Variants in GRIA3 observed in about 807,000 individuals in gnomAD.
GRIA3 encodes the protein glutamate ionotropic receptor AMPA type subunit 3, also known as glutamate receptor 3.
GRIA3 carries 3 observed loss-of-function variants against 63.0 expected under a neutral mutation model. The observed-to-expected ratio is 0.05, with a 90% CI of 0.02 to 0.12. GRIA3 has a LOEUF of 0.12. Ranked by LOEUF, GRIA3 falls within the 10% of genes least tolerant of loss-of-function variation. GRIA3 has a pLI of 1.00. For synonymous variants in GRIA3, 274 were observed against 257.9 expected (o/e 1.06, Z -0.60); for missense variants, 347 against 700.9 (o/e 0.50, Z 5.70).
At chrX:123,482,442 G>C (rs1450676986) in intron 14 of GRIA3, among the ~76,000 whole-genome samples, 1 of 111,670 alleles carries the variant, frequency 9.0e-6, no homozygotes, top group Non-Finnish European at 1.9e-5. Context: ...CTCAACTCTG[G>C]CAAATGGTGT....
rs143808624 is a variant in GRIA3, at chrX:123,417,917, T to C, written c.1877+139T>C. ...CAAATGACAGATTATCATCAAGCCA[T>C]TGTGTTTGCTTATGTCCATGAAGTG... On this transcript the variant is annotated intron_variant, in intron 11 of 15. Coordinates refer to ENST00000620443, the MANE Select transcript of GRIA3 (RefSeq NM_007325.5). 1,145 of 583,759 alleles carry C rather than the reference T, an allele frequency of 2.0e-3. 10 individuals are homozygous for C. In the East Asian group the frequency reaches 0.032, roughly 16 times the overall value. 48.1% of individuals were successfully genotyped at this position (583,759 alleles called of 1,213,427 possible).
chrX:123,427,806 T>C (rs1208797616), intron 11 of GRIA3, 135 bp from the exon 12 acceptor site: 12 of 521,309 alleles, frequency 2.3e-5, no homozygotes, highest in Non-Finnish European at 4.1e-5. Context: ...AATGTTTTAA[T>C]TCCCTCACAT....
intron 7 of GRIA3, among the ~76,000 whole-genome samples, chrX:123,402,631 T>C (rs1360929801): frequency 9.0e-6 from 1 of 111,069 alleles, no homozygotes; most frequent in East Asian, 2.8e-4. Flanking sequence ...GACACAGCCA[T>C]GGCCCCCAAG....
chrX:123,426,701 A>G (rs367910673), intron 11 of GRIA3, among the ~76,000 whole-genome samples: 4 of 112,412 alleles, frequency 3.6e-5, no homozygotes, highest in South Asian at 7.4e-4. Flanking sequence ...CTGCATTTTA[A>G]CAAACACCTC....
At position 123,471,878 on chromosome X, in the gene GRIA3, T is replaced by C. The variant is rs762373237; in HGVS notation, c.2324+6766T>C. On this transcript the variant is annotated intron_variant, in intron 13 of 15. Transcript: ENST00000620443. ...CCTTGGCACATGAGGCTGATCCCCA[T>C]TGATCAGAAGTGGCAAAAGTGTTGT... is the stretch of plus-strand genomic sequence containing the variant. Among the ~76,000 whole-genome samples, 11 of 103,237 alleles carry C rather than the reference T, an allele frequency of 1.1e-4. No individual in the cohort carries two copies. In the East Asian group the frequency reaches 1.8e-3, roughly 17 times the overall value. 89.6% of individuals were successfully genotyped at this position (103,237 alleles called of 115,157 possible). A position where few individuals can be genotyped will look rare whatever the true frequency, so the allele number is the denominator to read the frequency against.
At chrX:123,204,731 T>C in intron 2 of GRIA3, 2 of 738,742 alleles carry the variant, frequency 2.7e-6, no homozygotes, top group Non-Finnish European at 3.6e-6. Flanking sequence ...GAGGGGAAAA[T>C]GGAAATAGAT....
At chrX:123,193,586 G>A (rs5911542) in intron 2 of GRIA3, among the ~76,000 whole-genome samples, 25,401 of 111,003 alleles carry the variant, frequency 0.23, 2,560 homozygotes, top group Non-Finnish European at 0.32. Context: ...GACCTGAGCC[G>A]AGAACTGCTC....
chrX:123,480,445 G>A (rs1050529790), intron 14 of GRIA3, among the ~76,000 whole-genome samples: 1 of 111,757 alleles, frequency 8.9e-6, no homozygotes, highest in Non-Finnish European at 1.9e-5. Context: ...AATGAGCTGT[G>A]TTATAAGGGG....
chrX:123,289,469 G>A (rs1313041920), intron 3 of GRIA3, among the ~76,000 whole-genome samples: 3 of 107,906 alleles, frequency 2.8e-5, no homozygotes, highest in Non-Finnish European at 5.8e-5. Context: ...AATAAATAAC[G>A]GAAATTGCAG....
At chrX:123,320,317 T>C (rs971184711) in intron 3 of GRIA3, among the ~76,000 whole-genome samples, 2 of 112,101 alleles carry the variant, frequency 1.8e-5, no homozygotes, top group African/African-American at 6.5e-5. Context: ...TCAAAAACAA[T>C]GTTAACATTC....
chrX:123,270,034 A>G (rs189514289), intron 3 of GRIA3, among the ~76,000 whole-genome samples: 1 of 112,766 alleles, frequency 8.9e-6, no homozygotes, highest in East Asian at 2.8e-4. Flanking sequence ...AGCAAAAAGC[A>G]TACGTATTTT....
Position 123,184,359 on chromosome X carries a change from G to T in GRIA3, c.-177G>T. The T allele has an allele frequency of 2.1e-6, 1 of 484,712 alleles. No individual in the cohort carries two copies. The highest frequency in any genetic ancestry group is 3.7e-6 in the Non-Finnish European group (1 of 271,400). 39.9% of individuals were successfully genotyped at this position (484,712 alleles called of 1,213,427 possible). A position where few individuals can be genotyped will look rare whatever the true frequency, so the allele number is the denominator to read the frequency against. On this transcript the variant is annotated 5_prime_UTR_variant, in exon 1 of 16. In the 5' UTR this introduces an upstream ATG that the reference lacks. Coordinates refer to ENST00000620443, the MANE Select transcript of GRIA3 (RefSeq NM_007325.5). ...GGGAGAGAGAAGAAGAGGAAGAAGA[G>T]GAGGCGGCGGCAGCGGAGGAGGAGG...
At chrX:123,312,192 CACAAT>C (rs1179243504) in intron 3 of GRIA3, among the ~76,000 whole-genome samples, 1 of 111,696 alleles carries the variant, frequency 9.0e-6, no homozygotes, top group Non-Finnish European at 1.9e-5. Context: ...CATTATACAT[CACAAT>C]ACAAGAAAAC....
intron 3 of GRIA3, among the ~76,000 whole-genome samples, chrX:123,280,569 T>G (rs1338977006): frequency 8.9e-6 from 1 of 112,364 alleles, no homozygotes; most frequent in Non-Finnish European, 1.9e-5. Flanking sequence ...TAGTTTGGTC[T>G]ACTTTTGGCA....
Position 123,226,836 on chromosome X carries a change from T to C in GRIA3, c.269-26467T>C, listed in dbSNP as rs1403217557. On this transcript the variant is annotated intron_variant, in intron 2 of 15. Coordinates refer to ENST00000620443, the MANE Select transcript of GRIA3 (RefSeq NM_007325.5). ...TATGCAGTTCATCATTGATTATCCA[T>C]GAGAACAGAAAGGAGCTGAAGCTTT... Among the ~76,000 whole-genome samples, 3 of 111,861 alleles carry C rather than the reference T, an allele frequency of 2.7e-5. No homozygotes were observed. In the Admixed American group the frequency reaches 2.8e-4, roughly 11 times the overall value.
intron 3 of GRIA3, among the ~76,000 whole-genome samples, chrX:123,260,197 T>C (rs2044443373): frequency 9.5e-6 from 1 of 105,607 alleles, no homozygotes; most frequent in Non-Finnish European, 1.9e-5. Context: ...CATCTATTCT[T>C]CTCTGGGTCA....
rs181803747 is a variant in GRIA3 at position 123,209,083 on chromosome X, T to C, written c.268+23093T>C. Among the ~76,000 whole-genome samples, 4 of 111,426 alleles carry C rather than the reference T, an allele frequency of 3.6e-5. No individual in the cohort carries two copies. The East Asian group carries it at 1.1e-3, about 32-fold the overall frequency. The stretch of plus-strand genomic sequence containing the variant: ...AGGTTTCAGTGAGAGGTAAAAATTA[T>C]ATAGAATGGGAAGACAGCAAGGGTG... On this transcript the variant is annotated intron_variant, in intron 2 of 15. Coordinates refer to ENST00000620443, the MANE Select transcript of GRIA3 (RefSeq NM_007325.5).
chrX:123,269,829 C>A (rs941423943), intron 3 of GRIA3, among the ~76,000 whole-genome samples: 5 of 111,699 alleles, frequency 4.5e-5, no homozygotes, highest in Non-Finnish European at 5.6e-5. Flanking sequence ...AAAAGCTGGA[C>A]CAATGCATTT....
At chrX:123,427,771 T>C (rs1405460316) in intron 11 of GRIA3, among the ~76,000 whole-genome samples, 170 bp from the exon 12 acceptor site, 1 of 111,590 alleles carries the variant, frequency 9.0e-6, no homozygotes, top group African/African-American at 3.3e-5. Flanking sequence ...CATGGGGTAT[T>C]GTTGTTAACA....
Sources: allele counts gnomAD v4.1 joint callset (sites outside exome capture counted in the v4.1 genomes callset), GRCh38; gene constraint gnomAD v4.1.1; transcripts MANE v1.5; gene names NCBI Gene and HGNC (gene_info 2026-07-23, HGNC 2026-07-21).